SMARCA2: variants seen among roughly 807,000 people sequenced by gnomAD.
The protein encoded by SMARCA2 is SWI/SNF related BAF chromatin remodeling complex subunit ATPase 2.
A neutral mutation model predicts 199.8 loss-of-function variants in SMARCA2; 61 were observed. The ratio of observed to expected loss-of-function variants is 0.31; its 90% confidence interval spans 0.25 to 0.38. The LOEUF (loss-of-function observed/expected upper bound fraction) is 0.38, where lower values mean the gene tolerates loss of function less well. SMARCA2 is among the 10% of genes least tolerant of loss of function. The pLI is 1.00. For missense variants in SMARCA2, 1,344 were observed against 2,012.2 expected, an observed-to-expected ratio of 0.67 and a Z score of 6.35; for synonymous variants, 935 against 732.0, an observed-to-expected ratio of 1.28 and a Z score of -4.48.
At chr9:2,178,165 C>T (rs942592255) in intron 29 of SMARCA2, among the ~76,000 whole-genome samples, 1 of 152,066 alleles carries the variant, frequency 6.6e-6, no homozygotes, top group African/African-American at 2.4e-5. Context: ...GTCTCATGGC[C>T]ACGTCGCGGT....
chr9:2,135,075 C>G (rs1428027088), intron 27 of SMARCA2, among the ~76,000 whole-genome samples: 1 of 152,096 alleles, frequency 6.6e-6, no homozygotes, highest in Non-Finnish European at 1.5e-5. Flanking sequence ...AGTTGGAGAC[C>G]CAGGAAAGCC....
At position 2,125,356 on chromosome 9, in the gene SMARCA2, A is replaced by T. The variant is rs141176069; in HGVS notation, c.3981+1419A>T. Among the ~76,000 whole-genome samples, 131 of 152,362 alleles carry T rather than the reference A, an allele frequency of 8.6e-4. 1 individual carries two copies. The highest frequency in any genetic ancestry group is 3.4e-3 in the Middle Eastern group (1 of 294). ...CTATTGAGATTATAGTTATGTAATT[A>T]GGATTCATTCTGTAATATGAAGAGT... On this transcript the variant is annotated intron_variant, in intron 27 of 33. Coordinates refer to ENST00000349721, the MANE Select transcript of SMARCA2 (RefSeq NM_003070.5).
rs1050312739 is a variant in SMARCA2 at position 2,181,688 on chromosome 9, G to T, written c.4359+12G>T. On this transcript the variant is annotated intron_variant, in intron 30 of 33. Transcript: ENST00000349721. ...TCAAAAAAATAAAGGTAGATATTTT[G>T]TTTACCAACTTTATTCTTCAAGTAA... 3.2e-6 allele frequency: 4 copies of T among 1,246,716 alleles called. No homozygotes were observed. Among genetic ancestry groups the T allele is most frequent in the Non-Finnish European group, 3.5e-6 (3 of 845,640 alleles). 77.2% of individuals were successfully genotyped at this position (1,246,716 alleles called of 1,614,324 possible). A position where few individuals can be genotyped will look rare whatever the true frequency, so the allele number is the denominator to read the frequency against.
intron 14 of SMARCA2, among the ~76,000 whole-genome samples, chr9:2,080,585 A>G (rs529538064): frequency 1.3e-5 from 2 of 151,742 alleles, no homozygotes; most frequent in African/African-American, 4.8e-5. Context: ...TTTTATAATA[A>G]TTTCCCCTCT....
intron 29 of SMARCA2, among the ~76,000 whole-genome samples, chr9:2,178,469 A>T (rs17453276): frequency 0.023 from 3,500 of 152,262 alleles, 59 homozygotes; most frequent in Middle Eastern, 0.058. Flanking sequence ...ATAATGGAAA[A>T]CACCTTGGGA....
At chr9:2,026,823 T>C (rs1235762816) in intron 1 of SMARCA2, among the ~76,000 whole-genome samples, 2 of 152,188 alleles carry the variant, frequency 1.3e-5, no homozygotes, top group Non-Finnish European at 2.9e-5. Context: ...TGACTGAACC[T>C]GTGTGAGGTG....
chr9:2,160,804 T>A (rs920804771), intron 27 of SMARCA2: 1 of 422,588 alleles, frequency 2.4e-6, no homozygotes, highest in East Asian at 3.4e-5. Flanking sequence ...ATGTTCAAAT[T>A]TTATGTTCTT....
rs1819782460 is a variant in SMARCA2 at position 2,045,143 on chromosome 9, A to G, written c.791-2086A>G. 3 of 152,218 alleles carry G rather than the reference A, an allele frequency of 2.0e-5. No individual in the cohort carries two copies. In the South Asian group the frequency reaches 6.2e-4, roughly 32 times the overall value. 9.4% of individuals were successfully genotyped at this position (152,218 alleles called of 1,614,324 possible). On this transcript the variant is annotated intron_variant, in intron 4 of 33. Coordinates refer to ENST00000349721, the MANE Select transcript of SMARCA2 (RefSeq NM_003070.5). ...GCAGTGTTACGGCTTTTGTTGATGA[A>G]TTATTTGAACTGGGAGGAAAAACAC...
chr9:2,053,105 T>C (rs1296708837), intron 5 of SMARCA2, among the ~76,000 whole-genome samples: 4 of 152,188 alleles, frequency 2.6e-5, no homozygotes, highest in African/African-American at 9.6e-5. Context: ...CTAAAAGTTT[T>C]TCATCCCTTC....
At chr9:2,052,597 T>G (rs1190003526) in intron 5 of SMARCA2, among the ~76,000 whole-genome samples, 1 of 152,196 alleles carries the variant, frequency 6.6e-6, no homozygotes, top group Non-Finnish European at 1.5e-5. Flanking sequence ...AAAACAAGAA[T>G]CAGTCTTAGA....
chr9:2,067,678 C>T (rs529226446), intron 9 of SMARCA2, among the ~76,000 whole-genome samples: 1 of 152,186 alleles, frequency 6.6e-6, no homozygotes, highest in East Asian at 1.9e-4. Context: ...CAGCTAAGAT[C>T]TCTTGCACTT....
At chr9:2,073,037 T>G in intron 10 of SMARCA2, 175 bp from the exon 11 acceptor site, 1 of 658,032 alleles carries the variant, frequency 1.5e-6, no homozygotes. Context: ...CATTTTCAGT[T>G]TCTTTAGTGG....
intron 3 of SMARCA2, among the ~76,000 whole-genome samples, chr9:2,035,790 A>G (rs912234208): frequency 5.3e-5 from 8 of 152,238 alleles, no homozygotes; most frequent in Admixed American, 2.0e-4. Context: ...AATATTCTCT[A>G]AAATAGTGAA....
At position 2,116,084 on chromosome 9, in the gene SMARCA2, C is replaced by T. The variant is rs1332924052; in HGVS notation, c.3684+35C>T. ...AAAACCCCAAGTTTATGAAATCAAACAGTGGCCTTTTGTCTCTGAAGGACT... is the reference window on the plus strand; with the variant it reads ...AAAACCCCAAGTTTATGAAATCAAATAGTGGCCTTTTGTCTCTGAAGGACT... On this transcript the variant is annotated intron_variant, in intron 25 of 33. Coordinates refer to ENST00000349721, the MANE Select transcript of SMARCA2 (RefSeq NM_003070.5). 3.4e-6 allele frequency: 5 copies of T among 1,480,852 alleles called. No individual in the cohort carries two copies. In the East Asian group the frequency reaches 1.1e-4, roughly 34 times the overall value. The allele number at this position is 1,480,852 out of a possible 1,614,324, so 91.7% of individuals were successfully genotyped here.
At chr9:2,097,660 C>T (rs1302146035) in intron 21 of SMARCA2, among the ~76,000 whole-genome samples, 189 bp downstream of exon 21, 4 of 152,092 alleles carry the variant, frequency 2.6e-5, no homozygotes, top group Admixed American at 2.0e-4. Context: ...TATGGGTTCT[C>T]ATTGGCACCA....
intron 27 of SMARCA2, among the ~76,000 whole-genome samples, chr9:2,140,278 C>T (rs1824400398): frequency 6.6e-6 from 1 of 152,116 alleles, no homozygotes; most frequent in Non-Finnish European, 1.5e-5. Flanking sequence ...ATTTTCAAGA[C>T]CATATTCATT....
At chr9:2,157,724 G>A (rs2130741128) in intron 27 of SMARCA2, 2 of 389,258 alleles carry the variant, frequency 5.1e-6, no homozygotes, top group Non-Finnish European at 9.1e-6. Flanking sequence ...GTTGGCTTGG[G>A]GCTTTTTGTT....
Position 2,081,915 on chromosome 9 carries a change from C to T in SMARCA2, c.2268C>T (p.Thr756=), listed in dbSNP as rs781189636. 1.2e-6 allele frequency: 2 copies of T among 1,613,724 alleles called. No individual in the cohort carries two copies. The highest frequency in any genetic ancestry group is 1.7e-6 in the Non-Finnish European group (2 of 1,179,688). Residue 756 remains threonine (T), a synonymous_variant, in exon 15 of 34, where the codon ACC becomes ACT. Coordinates refer to ENST00000349721, the MANE Select transcript of SMARCA2 (RefSeq NM_003070.5). ...ILADEMGLGK[T]IQTIALITYL... is the part of the protein sequence containing the mutation. ...CCGATGAAATGGGGCTTGGAAAGAC[C>T]ATACAGACCATTGCACTCATCACTT...
Position 2,073,290 on chromosome 9 carries a change from C to G in SMARCA2, c.1825C>G (p.Pro609Ala). 6.2e-7 allele frequency: 1 copy of G among 1,614,156 alleles called. No individual in the cohort carries two copies. The highest frequency in any genetic ancestry group is 2.2e-5 in the East Asian group (1 of 44,880). ...HTETGKVLFG[P>A]EAPKASQLDA... ...AGAAACCGGCAAGGTTCTGTTCGGA[C>G]CAGAAGCACCCAAAGCAAGTCAGCT... The change falls in exon 11 of 34, where the codon CCA (proline) becomes GCA (alanine). Residue 609 changes from proline (P) to alanine (A), a missense_variant. Pro to Ala is a conservative substitution (Grantham distance 27, BLOSUM62 -1). Transcript: ENST00000349721.
Sources: allele counts gnomAD v4.1 joint callset (sites outside exome capture counted in the v4.1 genomes callset), GRCh38; gene constraint gnomAD v4.1.1; transcripts MANE v1.5; gene names NCBI Gene and HGNC (gene_info 2026-07-23, HGNC 2026-07-21).